Variants in CNTN5 observed in about 807,000 individuals in gnomAD.
CNTN5 encodes the protein contactin-5.
A neutral mutation model predicts 129.1 loss-of-function variants in CNTN5; 77 were observed. That is an observed-to-expected ratio of 0.60 (90% confidence interval 0.50 to 0.72). The LOEUF (loss-of-function observed/expected upper bound fraction) is 0.72. CNTN5 is among the 30% of genes least tolerant of loss of function. CNTN5 has a pLI of 0.00. For synonymous variants in CNTN5, 509 were observed against 465.6 expected, an observed-to-expected ratio of 1.09 and a Z score of -1.20; for missense variants, 1,478 against 1,328.8, an observed-to-expected ratio of 1.11 and a Z score of -1.75.
chr11:99,133,402 A>G (rs1484584475), intron 1 of CNTN5, among the ~76,000 whole-genome samples: 1 of 151,960 alleles, frequency 6.6e-6, no homozygotes, highest in East Asian at 1.9e-4. Flanking sequence ...AAAAATTGGC[A>G]AATGGGATCT....
rs183904107 is a variant in CNTN5 at position 99,243,089 on chromosome 11, C to T, written c.-209-82257C>T. On this transcript the variant is annotated intron_variant, in intron 1 of 24. Transcript: ENST00000524871. ...TTTCCATAGTGGCTGAACTAATTTACGTTCTCACAACAGTGTATAAGCATT... is the reference window on the plus strand; with the variant it reads ...TTTCCATAGTGGCTGAACTAATTTATGTTCTCACAACAGTGTATAAGCATT... 2.6e-5 allele frequency among the ~76,000 whole-genome samples: 4 copies of T among 152,256 alleles called. No homozygotes were observed. The East Asian group carries it at 5.8e-4, about 22-fold the overall frequency.
chr11:99,027,317 G>A (rs7947439), intron 1 of CNTN5, among the ~76,000 whole-genome samples: 57,147 of 151,170 alleles, frequency 0.38, 13,415 homozygotes, highest in East Asian at 0.66. Context: ...CAGAAACTCA[G>A]CAAGAAATGT....
chr11:99,355,420 T>G (rs373309022), intron 2 of CNTN5, among the ~76,000 whole-genome samples: 2 of 152,130 alleles, frequency 1.3e-5, no homozygotes, highest in East Asian at 3.9e-4. Flanking sequence ...CAGTTTCACA[T>G]GAGACCCCAA....
chr11:99,791,110 T>C (rs925256074), intron 3 of CNTN5, among the ~76,000 whole-genome samples: 2 of 88,346 alleles, frequency 2.3e-5, no homozygotes, highest in African/African-American at 6.8e-5. Flanking sequence ...ACTTTGTTGA[T>C]AGTTTTTTTT....
intron 1 of CNTN5, among the ~76,000 whole-genome samples, chr11:99,042,014 T>C (rs1246459351): frequency 6.6e-6 from 1 of 152,160 alleles, no homozygotes; most frequent in African/African-American, 2.4e-5. Context: ...TTATATTTCA[T>C]GTCGAGAATA....
At chr11:99,296,463 A>G (rs1864395259) in intron 1 of CNTN5, among the ~76,000 whole-genome samples, 2 of 152,222 alleles carry the variant, frequency 1.3e-5, no homozygotes, top group African/African-American at 4.8e-5. Flanking sequence ...CTGTAGCATA[A>G]TAATCTACTT....
intron 9 of CNTN5, among the ~76,000 whole-genome samples, chr11:100,024,646 G>C (rs1390077915): frequency 6.6e-6 from 1 of 152,202 alleles, no homozygotes; most frequent in African/African-American, 2.4e-5. Flanking sequence ...AGATGGAGAT[G>C]AGGAACTTGT....
chr11:99,107,296 A>G (rs1867041408), intron 1 of CNTN5, among the ~76,000 whole-genome samples: 1 of 152,186 alleles, frequency 6.6e-6, no homozygotes, highest in African/African-American at 2.4e-5. Flanking sequence ...CTATGAAAGT[A>G]TATCTATAAC....
intron 2 of CNTN5, among the ~76,000 whole-genome samples, chr11:99,405,017 C>G (rs1171551520): frequency 6.6e-6 from 1 of 151,468 alleles, no homozygotes; most frequent in Non-Finnish European, 1.5e-5. Flanking sequence ...CTTTTTTTTT[C>G]CTTTAGAACT....
intron 9 of CNTN5, among the ~76,000 whole-genome samples, chr11:100,037,744 G>C (rs983759685): frequency 6.6e-6 from 1 of 152,138 alleles, no homozygotes; most frequent in Non-Finnish European, 1.5e-5. Flanking sequence ...AGATTTTCTA[G>C]TTTATTTGTG....
At chr11:100,168,133 G>A (rs930958665) in intron 13 of CNTN5, among the ~76,000 whole-genome samples, 1 of 151,960 alleles carries the variant, frequency 6.6e-6, no homozygotes, top group African/African-American at 2.4e-5. Context: ...TGGTTCATGA[G>A]GTTGAAGAAA....
At chr11:99,235,645 T>G (rs1861223913) in intron 1 of CNTN5, among the ~76,000 whole-genome samples, 1 of 152,216 alleles carries the variant, frequency 6.6e-6, no homozygotes, top group African/African-American at 2.4e-5. Flanking sequence ...TCTGAGTACC[T>G]TATTTTATCC....
chr11:100,235,882 G>T (rs1275046628), intron 16 of CNTN5, among the ~76,000 whole-genome samples: 1 of 152,044 alleles, frequency 6.6e-6, no homozygotes. Context: ...ACAATCCATT[G>T]CAGCATTCCT....
intron 7 of CNTN5, among the ~76,000 whole-genome samples, chr11:99,937,431 G>C (rs192791156): frequency 6.6e-6 from 1 of 152,344 alleles, no homozygotes; most frequent in East Asian, 1.9e-4. Flanking sequence ...TCCCCTCAGG[G>C]AGAATGAAAG....
intron 4 of CNTN5, among the ~76,000 whole-genome samples, chr11:99,840,367 T>G (rs1212486705): frequency 6.6e-6 from 1 of 152,144 alleles, no homozygotes; most frequent in Non-Finnish European, 1.5e-5. Flanking sequence ...TACATAAGTA[T>G]CTAGTCTCAT....
intron 3 of CNTN5, chr11:99,558,396 T>C (rs1411018831): frequency 3.6e-6 from 1 of 277,102 alleles, no homozygotes; most frequent in Non-Finnish European, 7.3e-6. Context: ...TGTTGTTTTG[T>C]TTTTAGCTCT....
intron 3 of CNTN5, among the ~76,000 whole-genome samples, chr11:99,778,884 T>C (rs1191490986): frequency 2.7e-5 from 4 of 150,248 alleles, no homozygotes; most frequent in Non-Finnish European, 5.9e-5. Context: ...AAGAATATGG[T>C]AAATTAATTT....
intron 1 of CNTN5, among the ~76,000 whole-genome samples, chr11:99,303,605 A>C (rs1864741362): frequency 6.6e-6 from 1 of 151,514 alleles, no homozygotes; most frequent in South Asian, 2.1e-4. Flanking sequence ...CATGCTACTA[A>C]ACACTGGCTG....
In CNTN5 at chr11:99,174,917, A is replaced by G. The variant is rs1857699785; in HGVS notation, c.-209-150429A>G. ...TCTATCTTTAAATTCATATATAGTT[A>G]TTAGCTCTAATGTATTCAAAATCTT... On this transcript the variant is annotated intron_variant, in intron 1 of 24. Transcript: ENST00000524871. Among the ~76,000 whole-genome samples the G allele has an allele frequency of 2.0e-5, 3 of 152,158 alleles. No individual in the cohort carries two copies. In the South Asian group the frequency reaches 6.2e-4, roughly 32 times the overall value.
Sources: gnomAD v4.1 joint callset for allele counts (sites outside exome capture counted in the v4.1 genomes callset) on GRCh38, gnomAD v4.1.1 for gene constraint, MANE v1.5 for transcripts, NCBI Gene and HGNC (gene_info 2026-07-23, HGNC 2026-07-21) for gene names.